Variants in TENM4 observed in about 807,000 individuals in gnomAD.
The protein encoded by TENM4 is teneurin-4.
TENM4 carries 82 observed loss-of-function variants against 243.3 expected under a neutral mutation model. The ratio of observed to expected loss-of-function variants is 0.34; its 90% CI spans 0.28 to 0.40. The LOEUF (loss-of-function observed/expected upper bound fraction) is 0.40. TENM4 is among the 10% of genes least tolerant of loss of function. The pLI is 1.00. For missense variants in TENM4, 3,138 were observed against 3,673.3 expected (o/e 0.85, Z 3.77); for synonymous variants, 1,412 against 1,456.3 (o/e 0.97, Z 0.69).
Position 79,051,320 on chromosome 11 carries a change from T to G in TENM4, c.493+13418A>C, listed in dbSNP as rs57545443. Among the ~76,000 whole-genome samples the G allele has an allele frequency of 7.2e-3, 1,092 of 152,262 alleles. 16 individuals are homozygous for G. The highest frequency in any genetic ancestry group is 0.025 in the African/African-American group (1,053 of 41,522). On this transcript the variant is annotated intron_variant, in intron 6 of 33. Transcript: ENST00000278550. ...GCATGGAGAGATGAAGAGACCTGCC[T>G]TGTTTAACACAAGGTAACACAGCTA...
At chr11:78,677,107 T>C (rs1449453479) in intron 29 of TENM4, among the ~76,000 whole-genome samples, 1 of 152,226 alleles carries the variant, frequency 6.6e-6, no homozygotes, top group Non-Finnish European at 1.5e-5. Context: ...CACAATTGTA[T>C]GTTTTTAAAG....
intron 15 of TENM4, among the ~76,000 whole-genome samples, chr11:78,802,834 A>T (rs1347355805): frequency 6.6e-6 from 1 of 152,228 alleles, no homozygotes; most frequent in Non-Finnish European, 1.5e-5. Flanking sequence ...CCTTGTGGCA[A>T]TCATGAGACC....
At chr11:79,260,056 G>A (rs1327373766) in intron 2 of TENM4, among the ~76,000 whole-genome samples, 2 of 152,286 alleles carry the variant, frequency 1.3e-5, no homozygotes, top group African/African-American at 4.8e-5. Context: ...TTATATGGAG[G>A]TTACAATTTT....
intron 1 of TENM4, among the ~76,000 whole-genome samples, chr11:79,311,682 T>C (rs553007091): frequency 6.6e-6 from 1 of 152,232 alleles, no homozygotes; most frequent in South Asian, 2.1e-4. Flanking sequence ...CCCATGAACC[T>C]CCCTCCTAGT....
intron 15 of TENM4, among the ~76,000 whole-genome samples, chr11:78,798,494 TGA>T (rs1184347923): frequency 6.6e-6 from 1 of 152,308 alleles, no homozygotes; most frequent in African/African-American, 2.4e-5. Flanking sequence ...CAGATTGAGT[TGA>T]GAGAGCCAAA....
chr11:79,245,640 T>C (rs73510638), intron 2 of TENM4, among the ~76,000 whole-genome samples: 1,742 of 151,994 alleles, frequency 0.011, 39 homozygotes, highest in African/African-American at 0.04. Flanking sequence ...GAAAGGAAGA[T>C]AGAAAAAGAA....
intron 3 of TENM4, among the ~76,000 whole-genome samples, chr11:79,176,542 A>G (rs1863162324): frequency 1.3e-5 from 2 of 152,224 alleles, no homozygotes; most frequent in Non-Finnish European, 2.9e-5. Flanking sequence ...TAAAAACCCA[A>G]TTAAAAAAAC....
chr11:78,919,652 G>T (rs1856401879), intron 6 of TENM4, among the ~76,000 whole-genome samples: 1 of 152,114 alleles, frequency 6.6e-6, no homozygotes, highest in Non-Finnish European at 1.5e-5. Context: ...AGGGAAACAG[G>T]GTCAGGAGGG....
intron 7 of TENM4, among the ~76,000 whole-genome samples, chr11:78,894,711 G>C (rs773960959): frequency 2.1e-4 from 32 of 152,164 alleles, no homozygotes; most frequent in Non-Finnish European, 7.3e-5. Context: ...GTTGGCTATT[G>C]GCCAGGTGCA....
chr11:79,002,347 A>C, intron 6 of TENM4, among the ~76,000 whole-genome samples: 1 of 152,240 alleles, frequency 6.6e-6, no homozygotes, highest in Admixed American at 6.5e-5. Flanking sequence ...TGACATGTGC[A>C]AGTGAAATGG....
intron 15 of TENM4, among the ~76,000 whole-genome samples, chr11:78,803,934 G>A (rs1347919807): frequency 6.6e-6 from 1 of 152,178 alleles, no homozygotes; most frequent in East Asian, 1.9e-4. Flanking sequence ...TGCAAACAAG[G>A]ATAAAAGTCC....
At position 78,694,660 on chromosome 11, in the gene TENM4, T is replaced by C. The variant is rs146956140; in HGVS notation, c.5088-6434A>G. ...AGTCTCTGTGCTGGTTATTCTCTGT[T>C]CCCCCTACCTCCCAGATCCATTCTC... On this transcript the variant is annotated intron_variant, in intron 28 of 33. Coordinates refer to ENST00000278550, the MANE Select transcript of TENM4 (RefSeq NM_001098816.3). Among the ~76,000 whole-genome samples the C allele has an allele frequency of 2.0e-5, 3 of 152,126 alleles. No homozygotes were observed. In the East Asian group the frequency reaches 5.8e-4, roughly 29 times the overall value.
intron 1 of TENM4, among the ~76,000 whole-genome samples, chr11:79,330,898 G>T (rs1259424782): frequency 6.6e-6 from 1 of 152,176 alleles, no homozygotes; most frequent in Non-Finnish European, 1.5e-5. Flanking sequence ...CTTACCAGGA[G>T]CAACAGAGAC....
At chr11:78,687,383 G>A (rs940592447) in intron 29 of TENM4, among the ~76,000 whole-genome samples, 1 of 152,190 alleles carries the variant, frequency 6.6e-6, no homozygotes, top group South Asian at 2.1e-4. Flanking sequence ...GGTACAAAGA[G>A]CCATCCAGCG....
chr11:78,812,082 C>T (rs1205344499), intron 14 of TENM4, 40 bp downstream of exon 14: 7 of 1,537,468 alleles, frequency 4.6e-6, no homozygotes, highest in Non-Finnish European at 6.1e-6. Context: ...CAGCCTCTAT[C>T]TCAGAGGAAG....
intron 15 of TENM4, among the ~76,000 whole-genome samples, chr11:78,790,194 C>T (rs1437506768): frequency 6.6e-6 from 1 of 152,150 alleles, no homozygotes; most frequent in African/African-American, 2.4e-5. Flanking sequence ...AAAGATTATC[C>T]AAATAATCTA....
chr11:79,014,639 G>A (rs1005287261), intron 6 of TENM4: 2 of 152,246 alleles, frequency 1.3e-5, no homozygotes, highest in South Asian at 2.1e-4. Context: ...TGCTTAGAGA[G>A]GAGGCAGCTG....
At chr11:79,399,544 C>A (rs1446964155) in intron 1 of TENM4, among the ~76,000 whole-genome samples, 2 of 152,110 alleles carry the variant, frequency 1.3e-5, no homozygotes, top group East Asian at 1.9e-4. Flanking sequence ...GCGATCTTGT[C>A]CAAGATGCTA....
rs1206141485 is a variant in TENM4, at chr11:79,345,530, A to C, written c.-320-47987T>G. On this transcript the variant is annotated intron_variant, in intron 1 of 33. Coordinates refer to ENST00000278550, the MANE Select transcript of TENM4 (RefSeq NM_001098816.3). ...AATGGCCAAGTGTATCAAGAGGCTT[A>C]ATCTCTCACTTATGGGGTAGTTTAT... Among the ~76,000 whole-genome samples the C allele has an allele frequency of 2.0e-5, 3 of 152,216 alleles. No individual in the cohort carries two copies. The South Asian group carries it at 6.2e-4, about 32-fold the overall frequency.
Sources: gnomAD v4.1 joint callset for allele counts (sites outside exome capture counted in the v4.1 genomes callset) on GRCh38, gnomAD v4.1.1 for gene constraint, MANE v1.5 for transcripts, NCBI Gene and HGNC (gene_info 2026-07-23, HGNC 2026-07-21) for gene names.